KBTBD12: variants seen among roughly 807,000 people sequenced by gnomAD.
KBTBD12 encodes the protein kelch repeat and BTB domain containing 12, also known as kelch repeat and BTB domain-containing protein 12.
In KBTBD12, 53 loss-of-function variants were observed where a neutral mutation model predicts 58.7. The ratio of observed to expected loss-of-function variants is 0.90; its 90% CI spans 0.72 to 1.14. The LOEUF is 1.14. Ranked by LOEUF, KBTBD12 falls within the 50% of genes most tolerant of loss-of-function variation. The pLI, the probability that KBTBD12 is intolerant of heterozygous loss-of-function variation, is 0.00. For missense variants in KBTBD12, 704 were observed against 751.3 expected, an observed-to-expected ratio of 0.94 and a Z score of 0.74; for synonymous variants, 236 against 259.8, an observed-to-expected ratio of 0.91 and a Z score of 0.88.
At chr3:127,980,362 C>A (rs1940852535) in intron 5 of KBTBD12, among the ~76,000 whole-genome samples, 1 of 152,158 alleles carries the variant, frequency 6.6e-6, no homozygotes, top group African/African-American at 2.4e-5. Flanking sequence ...TGGAGTCTCG[C>A]TCTGTCGCGC....
chr3:127,932,064 TA>T (rs1187490057), intron 4 of KBTBD12, among the ~76,000 whole-genome samples: 1 of 152,088 alleles, frequency 6.6e-6, no homozygotes, highest in Non-Finnish European at 1.5e-5. Flanking sequence ...GAGATAAGCA[TA>T]TAAAGAACAC....
intron 3 of KBTBD12, among the ~76,000 whole-genome samples, chr3:127,928,961 G>T (rs554710475): frequency 1.3e-5 from 2 of 152,118 alleles, no homozygotes; most frequent in African/African-American, 4.8e-5. Context: ...TCAAAAAGTA[G>T]TACAGATTTC....
intron 5 of KBTBD12, among the ~76,000 whole-genome samples, chr3:127,968,945 G>A (rs13324457): frequency 5.9e-5 from 9 of 152,090 alleles, no homozygotes; most frequent in African/African-American, 1.2e-4. Flanking sequence ...TCCTCAGCCC[G>A]ATAAAGGGTA....
At position 127,987,181 on chromosome 3, in the gene KBTBD12, G is replaced by A. The variant is rs1342321146; in HGVS notation, c.*2903G>A. The A allele has an allele frequency of 6.6e-6, 1 of 152,196 alleles. No individual in the cohort carries two copies. The highest frequency in any genetic ancestry group is 1.9e-4 in the East Asian group (1 of 5,192). The allele number at this position is 152,196 out of a possible 1,614,324, so 9.4% of individuals were successfully genotyped here. A position where few individuals can be genotyped will look rare whatever the true frequency, so the allele number is the denominator to read the frequency against. On this transcript the variant is annotated 3_prime_UTR_variant, in exon 6 of 6. Transcript: ENST00000405109. The stretch of plus-strand genomic sequence containing the variant: ...AAACTTCTTCTGAGGAATCCCCGAG[G>A]TCGAAACCGGTGCTTCACAGATTTC...
At position 127,963,079 on chromosome 3, in the gene KBTBD12, GAA is replaced by G. The variant is rs1413965024; in HGVS notation, c.1493-107_1493-106del. 3 of 967,510 alleles carry G rather than the reference GAA, an allele frequency of 3.1e-6. No individual in the cohort carries two copies. In the East Asian group the frequency reaches 8.0e-5, roughly 26 times the overall value. The allele number at this position is 967,510 out of a possible 1,614,324, so 59.9% of individuals were successfully genotyped here. ...TCAAGGTAGCACCTGGCAAGAAAGA[GAA>G]AAGTTACAGTCCCATAAACCTTTGA... is the stretch of plus-strand genomic sequence containing the variant. On this transcript the variant is annotated intron_variant, in intron 4 of 5. Transcript: ENST00000405109.
chr3:127,946,726 C>T (rs1576382252), intron 4 of KBTBD12, among the ~76,000 whole-genome samples: 1 of 152,144 alleles, frequency 6.6e-6, no homozygotes, highest in African/African-American at 2.4e-5. Flanking sequence ...CTATTTTGTT[C>T]TCCCTTCTTT....
At chr3:127,983,577 A>AC (rs1940909495) in intron 5 of KBTBD12, among the ~76,000 whole-genome samples, 1 of 152,030 alleles carries the variant, frequency 6.6e-6, no homozygotes, top group African/African-American at 2.4e-5. Context: ...ACATGATGAA[A>AC]CCCCGTCTCT....
chr3:127,971,238 A>G (rs950886563), intron 5 of KBTBD12, among the ~76,000 whole-genome samples: 2 of 152,176 alleles, frequency 1.3e-5, no homozygotes, highest in African/African-American at 4.8e-5. Flanking sequence ...GGCCTTAGGT[A>G]CCTGCAAAAG....
intron 4 of KBTBD12, among the ~76,000 whole-genome samples, chr3:127,948,133 G>A (rs983690623): frequency 5.9e-5 from 9 of 152,214 alleles, no homozygotes; most frequent in Non-Finnish European, 8.8e-5. Flanking sequence ...AAGAGGTTAA[G>A]TACCTTATTC....
At chr3:127,920,811 A>G (rs1442929785) in intron 1 of KBTBD12, among the ~76,000 whole-genome samples, 2 of 152,102 alleles carry the variant, frequency 1.3e-5, no homozygotes, top group Admixed American at 6.5e-5. Context: ...ATTTATATGC[A>G]TCTTTGCTAC....
chr3:127,943,884 A>G (rs1208229302), intron 4 of KBTBD12, among the ~76,000 whole-genome samples: 2 of 151,996 alleles, frequency 1.3e-5, no homozygotes. Context: ...ATAAGGTCCA[A>G]TTTCATTTTT....
At chr3:127,955,979 G>A (rs1940312074) in intron 4 of KBTBD12, among the ~76,000 whole-genome samples, 1 of 152,156 alleles carries the variant, frequency 6.6e-6, no homozygotes, top group Non-Finnish European at 1.5e-5. Context: ...TCTGGGCTTA[G>A]ATATACATTT....
intron 1 of KBTBD12, among the ~76,000 whole-genome samples, chr3:127,916,987 GC>G: frequency 6.6e-6 from 1 of 152,336 alleles, no homozygotes; most frequent in Admixed American, 6.5e-5. Context: ...TTTGTCTGCT[GC>G]TCTCACACAA....
chr3:127,920,345 A>G (rs1005912663), intron 1 of KBTBD12, among the ~76,000 whole-genome samples: 3 of 150,774 alleles, frequency 2.0e-5, no homozygotes, highest in Non-Finnish European at 4.4e-5. Context: ...ACACATTATT[A>G]TGTTTGTGAG....
intron 4 of KBTBD12, among the ~76,000 whole-genome samples, chr3:127,950,754 G>C (rs748197108): frequency 6.6e-6 from 1 of 152,100 alleles, no homozygotes; most frequent in African/African-American, 2.4e-5. Context: ...AAATGAGGCC[G>C]GGCACGGTGA....
intron 4 of KBTBD12, among the ~76,000 whole-genome samples, chr3:127,937,160 AT>A (rs1939846561): frequency 7.4e-6 from 1 of 134,494 alleles, no homozygotes; most frequent in South Asian, 2.6e-4. Flanking sequence ...ACTGGTGGAA[AT>A]AATGGCCAGA....
At chr3:127,921,295 A>G (rs1017952934) in intron 1 of KBTBD12, among the ~76,000 whole-genome samples, 14 of 152,112 alleles carry the variant, frequency 9.2e-5, no homozygotes, top group Non-Finnish European at 1.6e-4. Flanking sequence ...CCAAGCCAAA[A>G]TCTGTGTTCC....
At chr3:127,983,317 G>A (rs1194268650) in intron 5 of KBTBD12, among the ~76,000 whole-genome samples, 2 of 152,098 alleles carry the variant, frequency 1.3e-5, no homozygotes, top group Non-Finnish European at 2.9e-5. Context: ...TTGAAATTTG[G>A]TCCCCAGTGT....
chr3:127,946,475 A>G (rs1441213724), intron 4 of KBTBD12, among the ~76,000 whole-genome samples: 1 of 152,160 alleles, frequency 6.6e-6, no homozygotes, highest in Non-Finnish European at 1.5e-5. Context: ...CATAGTTTTT[A>G]TTTAAAAAGC....
Sources: allele counts gnomAD v4.1 joint callset (sites outside exome capture counted in the v4.1 genomes callset), GRCh38; gene constraint gnomAD v4.1.1; transcripts MANE v1.5; gene names NCBI Gene and HGNC (gene_info 2026-07-23, HGNC 2026-07-21).